The following RELCH variants were observed in gnomAD, a reference collection of about 807,000 sequenced individuals.
The protein encoded by RELCH is RAB11-binding protein RELCH.
RELCH carries 41 observed loss-of-function variants against 150.3 expected under a neutral mutation model. The ratio of observed to expected loss-of-function variants is 0.27; its 90% CI spans 0.21 to 0.35. The LOEUF is 0.35. Among genes scored for constraint, RELCH ranks in the 10% least tolerant of loss-of-function variants. RELCH has a pLI of 1.00. For missense variants in RELCH, 1,092 were observed against 1,467.8 expected (o/e 0.74, Z 4.18); for synonymous variants, 478 against 531.8 (o/e 0.90, Z 1.39).
rs751332027 is a variant in RELCH at position 62,227,697 on chromosome 18, C to T, written c.1154+8C>T. ...AATCAGAAGACTTAAAAGGTTAGTA[C>T]TTGATCATTATTCCTAAAAATCCTC... On this transcript the variant is annotated splice_region_variant and intron_variant, in intron 7 of 28. Transcript: ENST00000644646. 1.4e-6 allele frequency: 2 copies of T among 1,386,346 alleles called. No homozygotes were observed. The highest frequency in any genetic ancestry group is 2.1e-5 in the Admixed American group (1 of 47,242). The allele number at this position is 1,386,346 out of a possible 1,614,324, so 85.9% of individuals were successfully genotyped here.
intron 5 of RELCH, among the ~76,000 whole-genome samples, chr18:62,225,454 C>G (rs904375334): frequency 2.0e-5 from 3 of 151,742 alleles, no homozygotes; most frequent in African/African-American, 7.3e-5. Flanking sequence ...GGAGTTATAT[C>G]CAAAATTTAT....
In RELCH at chr18:62,308,681, C is replaced by T. The variant is rs939369993; in HGVS notation, c.*3147C>T. ...GCAGTGGGCCGCTATTGCACCACTG[C>T]ACTCCAGCCTGGTCCACAGAGCAAG... On this transcript the variant is annotated 3_prime_UTR_variant, in exon 29 of 29. Coordinates refer to ENST00000644646, the MANE Select transcript of RELCH (RefSeq NM_001346231.2). 5.9e-5 allele frequency: 9 copies of T among 152,000 alleles called. No individual in the cohort carries two copies. The highest frequency in any genetic ancestry group is 2.2e-4 in the African/African-American group (9 of 41,376). 9.4% of individuals were successfully genotyped at this position (152,000 alleles called of 1,614,324 possible). A position where few individuals can be genotyped will look rare whatever the true frequency, so the allele number is the denominator to read the frequency against.
chr18:62,264,079 A>C lies in RELCH; in HGVS notation c.2441A>C (p.Tyr814Ser). 1 of 1,605,932 alleles carries C rather than the reference A, an allele frequency of 6.2e-7. No homozygotes were observed. Among genetic ancestry groups the C allele is most frequent in the Non-Finnish European group, 8.5e-7 (1 of 1,176,926 alleles). Residue 814 changes from tyrosine (Y) to serine (S), a missense_variant, in exon 17 of 29, where the codon TAT (tyrosine) becomes TCT (serine). This residue lies in a region of RELCH where 707 missense variants were observed against 1,025.4 expected (regional missense o/e 0.69). Transcript: ENST00000644646. ...REQLAVLLQL[Y>S]DYQLEQEGTT... Reference sequence around the variant, plus strand: ...CAATTGGCAGTGCTGCTGCAACTTTATGACTACCAGCTAGAACAAGAGGGT... The same window carrying C: ...CAATTGGCAGTGCTGCTGCAACTTTCTGACTACCAGCTAGAACAAGAGGGT...
chr18:62,195,323 A>G (rs2038958485), intron 1 of RELCH, among the ~76,000 whole-genome samples: 1 of 131,848 alleles, frequency 7.6e-6, no homozygotes, highest in Non-Finnish European at 1.6e-5. Context: ...TATACACTGT[A>G]TTTTTGCCAG....
chr18:62,246,243 G>A (rs1170846802), intron 11 of RELCH: 1 of 152,074 alleles, frequency 6.6e-6, no homozygotes, highest in Non-Finnish European at 1.5e-5. Flanking sequence ...TGTTTGTATG[G>A]CTTATTGCCT....
chr18:62,231,140 A>G, intron 8 of RELCH, 54 bp from the exon 9 acceptor site: 1 of 1,169,646 alleles, frequency 8.5e-7, no homozygotes, highest in Non-Finnish European at 1.3e-6. Flanking sequence ...ATTTCTCCTT[A>G]AATGTCAATG....
Position 62,288,203 on chromosome 18 carries a change from G to A in RELCH, c.3370+736G>A, listed in dbSNP as rs532702122. Among the ~76,000 whole-genome samples the A allele has an allele frequency of 1.2e-3, 183 of 152,176 alleles. 1 individual carries two copies. The highest frequency in any genetic ancestry group is 1.9e-3 in the South Asian group (9 of 4,830). Reference sequence around the variant, plus strand: ...ACTTTTAGGCTCTTTTATTTAAAAGGCAGAAGGGTTGAAGAAAGGGGAAAT... The same window carrying A: ...ACTTTTAGGCTCTTTTATTTAAAAGACAGAAGGGTTGAAGAAAGGGGAAAT... On this transcript the variant is annotated intron_variant, in intron 26 of 28. Coordinates refer to ENST00000644646, the MANE Select transcript of RELCH (RefSeq NM_001346231.2).
chr18:62,279,722 G>A, intron 22 of RELCH, 52 bp from the exon 23 acceptor site: 1 of 1,235,198 alleles, frequency 8.1e-7, no homozygotes, highest in South Asian at 1.3e-5. Flanking sequence ...GGCGCACTGT[G>A]TTTGCTCTTT....
chr18:62,288,158 A>G (rs2044913636), intron 26 of RELCH, among the ~76,000 whole-genome samples: 4 of 152,168 alleles, frequency 2.6e-5, no homozygotes, highest in Non-Finnish European at 5.9e-5. Context: ...AAAGATAACG[A>G]TGGGCAAAGT....
At chr18:62,276,020 A>T (rs943262115) in intron 22 of RELCH, among the ~76,000 whole-genome samples, 2 of 152,300 alleles carry the variant, frequency 1.3e-5, no homozygotes, top group Middle Eastern at 3.4e-3. Context: ...AAATTGTACT[A>T]AATTGCTACC....
At chr18:62,202,748 A>G (rs2039531856) in intron 1 of RELCH, among the ~76,000 whole-genome samples, 3 of 152,236 alleles carry the variant, frequency 2.0e-5, no homozygotes, top group East Asian at 1.9e-4. Context: ...AGGCTTGTAT[A>G]TATGATTTAA....
In RELCH at chr18:62,187,589, G is replaced by A. The variant is rs1003703934; in HGVS notation, c.84G>A (p.Glu28=). 10 of 1,528,522 alleles carry A rather than the reference G, an allele frequency of 6.5e-6. No homozygotes were observed. Among genetic ancestry groups the A allele is most frequent in the Admixed American group, 2.2e-5 (1 of 46,092 alleles). The allele number at this position is 1,528,522 out of a possible 1,614,324, so 94.7% of individuals were successfully genotyped here. A position where few individuals can be genotyped will look rare whatever the true frequency, so the allele number is the denominator to read the frequency against. ...GTGATTCGGATGAGGACGATGACGA[G>A]GTAGCTGCAACAGAGGAACGGCGGG... ...FLSDSDEDDD[E]VAATEERRAV... is the part of the protein sequence containing the mutation. The change falls in exon 1 of 29, where the codon GAG becomes GAA. Residue 28 remains glutamate (E), a synonymous_variant. Coordinates refer to ENST00000644646, the MANE Select transcript of RELCH (RefSeq NM_001346231.2).
chr18:62,229,923 T>C (rs2041465083), intron 8 of RELCH, among the ~76,000 whole-genome samples: 1 of 152,052 alleles, frequency 6.6e-6, no homozygotes, highest in African/African-American at 2.4e-5. Context: ...TAAGCTTGCG[T>C]TAATTCATTT....
chr18:62,195,919 C>T (rs1332510784), intron 1 of RELCH, among the ~76,000 whole-genome samples: 1 of 152,078 alleles, frequency 6.6e-6, no homozygotes, highest in African/African-American at 2.4e-5. Context: ...TGGTCTCAAA[C>T]TTCTGACCTC....
At chr18:62,253,566 C>T (rs1336750733) in intron 12 of RELCH, among the ~76,000 whole-genome samples, 2 of 152,012 alleles carry the variant, frequency 1.3e-5, no homozygotes, top group South Asian at 2.1e-4. Context: ...AGACAAATTA[C>T]ATGGCTTTAT....
intron 18 of RELCH, 129 bp from the exon 19 acceptor site, chr18:62,266,572 C>G (rs72949235): frequency 1.8e-4 from 99 of 540,778 alleles, no homozygotes; most frequent in Non-Finnish European, 3.0e-4. Flanking sequence ...CATTTCTGAC[C>G]ACTTAACTTA....
chr18:62,267,046 A>G lies in RELCH; in HGVS notation c.2680+297A>G, dbSNP rs566011882. Among the ~76,000 whole-genome samples, 4 of 152,080 alleles carry G rather than the reference A, an allele frequency of 2.6e-5. No individual in the cohort carries two copies. In the South Asian group the frequency reaches 8.3e-4, roughly 31 times the overall value. ...TCAACCTTTAGAGGTCTGAAGTAGT[A>G]TATTCAAGAGACTGACAATTATAAA... On this transcript the variant is annotated intron_variant, in intron 19 of 28. Coordinates refer to ENST00000644646, the MANE Select transcript of RELCH (RefSeq NM_001346231.2).
intron 7 of RELCH, 44 bp downstream of exon 7, chr18:62,227,733 T>A: frequency 1.0e-6 from 1 of 980,600 alleles, no homozygotes; most frequent in Non-Finnish European, 1.5e-6. Flanking sequence ...TTAAGGTGTT[T>A]AAAAGTATTG....
chr18:62,195,246 T>C (rs981057385), intron 1 of RELCH, among the ~76,000 whole-genome samples: 3 of 151,974 alleles, frequency 2.0e-5, no homozygotes, highest in Non-Finnish European at 4.4e-5. Flanking sequence ...AGATCTTTTA[T>C]ATGTAATATT....
Sources: gnomAD v4.1 joint callset for allele counts (sites outside exome capture counted in the v4.1 genomes callset) on GRCh38, gnomAD v4.1.1 for gene constraint, gnomAD v4.1.1 regional missense constraint, MANE v1.5 for transcripts, NCBI Gene and HGNC (gene_info 2026-07-23, HGNC 2026-07-21) for gene names.